Variants in ZNF521 observed in about 807,000 individuals in gnomAD.
ZNF521 encodes the protein LYST-interacting protein 3.
Under a neutral mutation model 105.5 loss-of-function variants are expected in ZNF521, and 14 were observed. The ratio of observed to expected loss-of-function variants is 0.13; its 90% CI spans 0.09 to 0.21. The LOEUF is 0.21. Ranked by LOEUF, ZNF521 falls within the 10% of genes least tolerant of loss-of-function variation. The pLI is 1.00. For missense variants in ZNF521, 1,233 were observed against 1,629.7 expected (o/e 0.76, Z 4.19); for synonymous variants, 635 against 606.0 (o/e 1.05, Z -0.70).
intron 5 of ZNF521, among the ~76,000 whole-genome samples, chr18:25,102,106 G>A (rs1397310956): frequency 6.6e-6 from 1 of 151,986 alleles, no homozygotes; most frequent in East Asian, 1.9e-4. Context: ...AAAAATAGAC[G>A]ATGGCCTAAA....
At chr18:25,071,603 A>T (rs1386528810) in intron 7 of ZNF521, among the ~76,000 whole-genome samples, 1 of 152,194 alleles carries the variant, frequency 6.6e-6, no homozygotes, top group East Asian at 1.9e-4. Flanking sequence ...AATACTGCAG[A>T]GAAAGAAAAA....
intron 5 of ZNF521, among the ~76,000 whole-genome samples, chr18:25,153,133 A>G (rs1176017712): frequency 6.6e-6 from 1 of 152,220 alleles, no homozygotes; most frequent in African/African-American, 2.4e-5. Flanking sequence ...TGGTACATGA[A>G]GTACTATTAC....
rs113157083 is a variant in ZNF521, at chr18:25,119,265, G to A, written c.3659-27184C>T. 3.0e-3 allele frequency among the ~76,000 whole-genome samples: 460 copies of A among 152,060 alleles called. 2 individuals carry two copies. Among genetic ancestry groups the A allele is most frequent in the African/African-American group, 0.01 (425 of 41,494 alleles). ...GATAGAACACTAGCTCCCTGCCCCC[G>A]CCAATGACTAGACACATAGATGATG... On this transcript the variant is annotated intron_variant, in intron 5 of 7. Transcript: ENST00000361524.
At chr18:25,216,084 T>C (rs144890545) in intron 4 of ZNF521, among the ~76,000 whole-genome samples, 1 of 152,356 alleles carries the variant, frequency 6.6e-6, no homozygotes, top group East Asian at 1.9e-4. Flanking sequence ...TTAGCAAAAC[T>C]TAGTATCAGC....
intron 3 of ZNF521, among the ~76,000 whole-genome samples, chr18:25,255,526 A>G (rs1321339386): frequency 2.0e-5 from 3 of 151,994 alleles, no homozygotes; most frequent in Non-Finnish European, 4.4e-5. Flanking sequence ...TCCCTATTTT[A>G]TTTCTGATAT....
At chr18:25,220,649 G>A (rs1177264158) in intron 4 of ZNF521, among the ~76,000 whole-genome samples, 2 of 152,184 alleles carry the variant, frequency 1.3e-5, no homozygotes, top group Admixed American at 6.5e-5. Context: ...CACATCTCGC[G>A]ACATGGAGAT....
intron 5 of ZNF521, among the ~76,000 whole-genome samples, chr18:25,168,933 A>G (rs1256358131): frequency 2.0e-5 from 3 of 146,794 alleles, no homozygotes; most frequent in African/African-American, 7.8e-5. Flanking sequence ...GGGTCCTACA[A>G]TGACTGGTTT....
intron 2 of ZNF521, among the ~76,000 whole-genome samples, chr18:25,349,056 C>CTT (rs780383212): frequency 1.1e-4 from 16 of 147,860 alleles, no homozygotes; most frequent in African/African-American, 3.7e-4. Flanking sequence ...CTTTAATAAA[C>CTT]TTTTTTTTTT....
intron 3 of ZNF521, among the ~76,000 whole-genome samples, chr18:25,264,577 A>G (rs1909122613): frequency 6.6e-6 from 1 of 152,154 alleles, no homozygotes; most frequent in Admixed American, 6.5e-5. Flanking sequence ...ACCAAGTTCA[A>G]TTTTTGTGAT....
At chr18:25,212,346 C>A (rs147570946) in intron 4 of ZNF521, among the ~76,000 whole-genome samples, 8 of 150,054 alleles carry the variant, frequency 5.3e-5, no homozygotes, top group African/African-American at 1.7e-4. Flanking sequence ...CCTGTCTCTA[C>A]TAAAAATACA....
intron 5 of ZNF521, among the ~76,000 whole-genome samples, 200 bp from the exon 6 acceptor site, chr18:25,092,281 GAT>G (rs1395554004): frequency 1.3e-5 from 2 of 152,126 alleles, no homozygotes; most frequent in African/African-American, 4.8e-5. Flanking sequence ...AAAATCCAAA[GAT>G]AATCAGAAGT....
chr18:25,150,891 C>CTTT (rs559303954), intron 5 of ZNF521, among the ~76,000 whole-genome samples: 9 of 132,186 alleles, frequency 6.8e-5, no homozygotes, highest in South Asian at 2.5e-4. Flanking sequence ...TTTCTTTTTT[C>CTTT]TTTTTTTTTT....
At chr18:25,089,886 C>A (rs1175436321) in intron 6 of ZNF521, among the ~76,000 whole-genome samples, 1 of 152,176 alleles carries the variant, frequency 6.6e-6, no homozygotes, top group Non-Finnish European at 1.5e-5. Context: ...TCTGTCTCAA[C>A]AGAAATGACT....
chr18:25,193,275 G>A (rs2035849289), intron 5 of ZNF521, among the ~76,000 whole-genome samples: 1 of 152,098 alleles, frequency 6.6e-6, no homozygotes, highest in African/African-American at 2.4e-5. Flanking sequence ...GTCCTGTTAT[G>A]CTGAACATTC....
intron 4 of ZNF521, among the ~76,000 whole-genome samples, chr18:25,220,386 C>G (rs998246679): frequency 2.0e-5 from 3 of 152,124 alleles, no homozygotes; most frequent in African/African-American, 4.8e-5. Context: ...AGAAAGAAGA[C>G]AGGAGTACCG....
intron 3 of ZNF521, among the ~76,000 whole-genome samples, chr18:25,299,237 A>C (rs985129781): frequency 1.3e-5 from 2 of 152,220 alleles, no homozygotes; most frequent in Non-Finnish European, 2.9e-5. Context: ...TACACAGAAT[A>C]CTAACATGTA....
chr18:25,241,101 C>A (rs1308948351), intron 3 of ZNF521, among the ~76,000 whole-genome samples: 2 of 152,048 alleles, frequency 1.3e-5, no homozygotes, highest in Admixed American at 6.6e-5. Flanking sequence ...TCCTCTTCTC[C>A]TTCATACCCC....
At chr18:25,236,488 A>T (rs1328134896) in intron 3 of ZNF521, among the ~76,000 whole-genome samples, 2 of 151,770 alleles carry the variant, frequency 1.3e-5, no homozygotes, top group Non-Finnish European at 2.9e-5. Context: ...GTGAGCCGAG[A>T]TCACGCCACT....
intron 3 of ZNF521, chr18:25,302,859 T>C (rs539722045): frequency 6.6e-6 from 1 of 152,344 alleles, no homozygotes; most frequent in South Asian, 2.1e-4. Flanking sequence ...CTCTTATGTT[T>C]TAGCAAGTAC....
Sources: allele counts gnomAD v4.1 joint callset (sites outside exome capture counted in the v4.1 genomes callset), GRCh38; gene constraint gnomAD v4.1.1; transcripts MANE v1.5; gene names NCBI Gene and HGNC (gene_info 2026-07-23, HGNC 2026-07-21).